FMN2: variants seen among roughly 807,000 people sequenced by gnomAD.
The protein encoded by FMN2 is formin-2.
In FMN2, 51 loss-of-function variants were observed where a neutral mutation model predicts 142.3. The ratio of observed to expected loss-of-function variants is 0.36; its 90% CI spans 0.29 to 0.45. The LOEUF is 0.45. Ranked by LOEUF, FMN2 falls within the 20% of genes least tolerant of loss-of-function variation. FMN2 has a pLI of 1.00. For synonymous variants in FMN2, 882 were observed against 869.8 expected, an observed-to-expected ratio of 1.01 and a Z score of -0.25; for missense variants, 1,936 against 2,122.8, an observed-to-expected ratio of 0.91 and a Z score of 1.73.
chr1:240,335,547 C>G (rs1394086911), intron 13 of FMN2, among the ~76,000 whole-genome samples: 2 of 152,034 alleles, frequency 1.3e-5, no homozygotes, highest in South Asian at 4.1e-4. Context: ...AGAGGCATTT[C>G]TAGGGGATCT....
At chr1:240,117,115 G>A (rs539014565) in intron 1 of FMN2, among the ~76,000 whole-genome samples, 2 of 152,306 alleles carry the variant, frequency 1.3e-5, no homozygotes, top group Admixed American at 6.5e-5. Flanking sequence ...AGAACACAAG[G>A]GAAAGAACTT....
At chr1:240,215,675 A>G (rs1474828898) in intron 6 of FMN2, among the ~76,000 whole-genome samples, 2 of 152,146 alleles carry the variant, frequency 1.3e-5, no homozygotes, top group Non-Finnish European at 2.9e-5. Flanking sequence ...TGTATGTGAG[A>G]CACTTTTAAA....
intron 1 of FMN2, among the ~76,000 whole-genome samples, chr1:240,119,752 G>C (rs1662162600): frequency 6.6e-6 from 1 of 152,110 alleles, no homozygotes; most frequent in South Asian, 2.1e-4. Context: ...ACACTGTTCT[G>C]GAACTCCTTT....
chr1:240,144,661 A>G (rs1471089), intron 2 of FMN2: 280,641 of 1,282,330 alleles, frequency 0.22, 31,727 homozygotes, highest in Middle Eastern at 0.3. Flanking sequence ...GCTCAGACAC[A>G]TAATTCACAC....
intron 6 of FMN2, among the ~76,000 whole-genome samples, chr1:240,250,476 A>G (rs1668240628): frequency 6.6e-6 from 1 of 152,204 alleles, no homozygotes; most frequent in East Asian, 1.9e-4. Flanking sequence ...GTGCTGTTGA[A>G]CTTAACTTGT....
chr1:240,413,898 C>G lies in FMN2; in HGVS notation c.4910+21336C>G, dbSNP rs112753150. On this transcript the variant is annotated intron_variant, in intron 15 of 17. Coordinates refer to ENST00000319653, the MANE Select transcript of FMN2 (RefSeq NM_020066.5). ...AACAACTGCCGTGAGGCTCCTTGCT[C>G]ACTCTTATAAGAAAGATATTCCACT... is the stretch of plus-strand genomic sequence containing the variant. Among the ~76,000 whole-genome samples the G allele has an allele frequency of 5.8e-3, 888 of 152,300 alleles. 5 individuals are homozygous for G. The highest frequency in any genetic ancestry group is 0.011 in the Non-Finnish European group (715 of 68,032).
intron 2 of FMN2, among the ~76,000 whole-genome samples, chr1:240,126,566 G>T (rs550851777): frequency 6.6e-6 from 1 of 152,024 alleles, no homozygotes; most frequent in Non-Finnish European, 1.5e-5. Context: ...CAATTTTAGG[G>T]CCTAACATTT....
At chr1:240,184,971 T>C (rs1467747917) in intron 3 of FMN2, among the ~76,000 whole-genome samples, 152 of 146,508 alleles carry the variant, frequency 1.0e-3, no homozygotes, top group African/African-American at 3.7e-3. Context: ...CTCCCTCCTA[T>C]ACCTTCCCCT....
intron 14 of FMN2, among the ~76,000 whole-genome samples, chr1:240,382,616 G>A (rs1433512863): frequency 3.3e-5 from 5 of 151,776 alleles, no homozygotes; most frequent in African/African-American, 4.8e-5. Context: ...AACCGAGATC[G>A]TGCCACTGCA....
chr1:240,215,346 G>A (rs1666855714), intron 6 of FMN2, among the ~76,000 whole-genome samples: 2 of 152,228 alleles, frequency 1.3e-5, no homozygotes, highest in South Asian at 2.1e-4. Flanking sequence ...CTACCCCTGT[G>A]AGACAGGCAC....
intron 6 of FMN2, among the ~76,000 whole-genome samples, chr1:240,225,208 G>A (rs1667256308): frequency 6.6e-6 from 1 of 152,138 alleles, no homozygotes; most frequent in Non-Finnish European, 1.5e-5. Flanking sequence ...ACATACCCAA[G>A]GCTGTACCCT....
chr1:240,459,717 TAAAAAAAAAAAAAAAAAAAAAAAAA>T (rs57065226), intron 16 of FMN2, among the ~76,000 whole-genome samples: 1,481 of 67,158 alleles, frequency 0.022, 42 homozygotes, highest in Non-Finnish European at 0.031. Flanking sequence ...ACTCTGTCTC[TAAAAAAAAAAAAAAAAAAAAAAAAA>T]AAAAAAAAAA....
chr1:240,416,317 G>A (rs543273170), intron 15 of FMN2, among the ~76,000 whole-genome samples: 2 of 143,964 alleles, frequency 1.4e-5, no homozygotes, highest in South Asian at 4.3e-4. Flanking sequence ...CTGCAGTGCA[G>A]TGGTGCAATC....
intron 2 of FMN2, chr1:240,143,404 A>G: frequency 7.0e-7 from 1 of 1,427,478 alleles, no homozygotes; most frequent in Non-Finnish European, 9.9e-7. Context: ...CCCCACAGCA[A>G]TAAGGGCAAT....
intron 14 of FMN2, among the ~76,000 whole-genome samples, chr1:240,379,941 A>C (rs1673170700): frequency 6.6e-6 from 1 of 152,178 alleles, no homozygotes; most frequent in Non-Finnish European, 1.5e-5. Flanking sequence ...TTCACTATCC[A>C]AAATATATAT....
In FMN2 at chr1:240,093,624, C is replaced by T; in HGVS notation, c.1515C>T (p.Arg505=). The T allele has an allele frequency of 7.0e-7, 1 of 1,421,748 alleles. No homozygotes were observed. The highest frequency in any genetic ancestry group is 1.5e-5 in the African/African-American group (1 of 66,730). 88.1% of individuals were successfully genotyped at this position (1,421,748 alleles called of 1,614,324 possible). A position where few individuals can be genotyped will look rare whatever the true frequency, so the allele number is the denominator to read the frequency against. The part of the protein sequence containing the change: ...RVGGSAHLLE[R]GVASDSGGGV... ...GAGGCTCCGCGCACCTGCTGGAGCGCGGGGTGGCGAGTGACAGCGGCGGTG... is the reference window on the plus strand; with the variant it reads ...GAGGCTCCGCGCACCTGCTGGAGCGTGGGGTGGCGAGTGACAGCGGCGGTG... The change falls in exon 1 of 18, where the codon CGC becomes CGT. Residue 505 remains arginine, a synonymous_variant. Coordinates refer to ENST00000319653, the MANE Select transcript of FMN2 (RefSeq NM_020066.5).
chr1:240,220,133 T>C (rs1667050762), intron 6 of FMN2, among the ~76,000 whole-genome samples: 1 of 152,118 alleles, frequency 6.6e-6, no homozygotes, highest in Non-Finnish European at 1.5e-5. Context: ...AAACAACAAC[T>C]TAACTGGTGA....
chr1:240,255,741 G>C (rs1175508583), intron 6 of FMN2, among the ~76,000 whole-genome samples: 2 of 152,122 alleles, frequency 1.3e-5, no homozygotes, highest in Non-Finnish European at 2.9e-5. Context: ...ACTGATATGT[G>C]TGTCATTTTA....
Position 240,240,034 on chromosome 1 carries a change from T to A in FMN2, c.4066-17911T>A, listed in dbSNP as rs577508067. ...TACCGTCTAAGGTTTGCTTTCTAGT[T>A]AACAATTTGAAAACTAATTTATTCT... On this transcript the variant is annotated intron_variant, in intron 6 of 17. Coordinates refer to ENST00000319653, the MANE Select transcript of FMN2 (RefSeq NM_020066.5). Among the ~76,000 whole-genome samples the A allele has an allele frequency of 2.8e-4, 42 of 152,326 alleles. No individual in the cohort carries two copies. In the South Asian group the frequency reaches 7.5e-3, roughly 27 times the overall value.
Sources: allele counts gnomAD v4.1 joint callset (sites outside exome capture counted in the v4.1 genomes callset), GRCh38; gene constraint gnomAD v4.1.1; transcripts MANE v1.5; gene names NCBI Gene and HGNC (gene_info 2026-07-23, HGNC 2026-07-21).